Variants in AGMO observed in about 807,000 individuals in gnomAD.
AGMO encodes the protein alkylglycerol monooxygenase, also known as glyceryl-ether monooxygenase.
Under a neutral mutation model 60.2 loss-of-function variants are expected in AGMO, and 75 were observed. The observed-to-expected ratio is 1.25, with a 90% CI of 1.03 to 1.51. The LOEUF is 1.51. Among genes scored for constraint, AGMO ranks in the 40% most tolerant of loss-of-function variants. The pLI is 0.00. For missense variants in AGMO, 763 were observed against 525.5 expected (o/e 1.45, Z -4.42); for synonymous variants, 261 against 177.1 (o/e 1.47, Z -3.76).
At chr7:15,507,598 G>C (rs1030151407) in intron 3 of AGMO, among the ~76,000 whole-genome samples, 24 of 151,872 alleles carry the variant, frequency 1.6e-4, no homozygotes, top group African/African-American at 5.3e-4. Flanking sequence ...TAACAAATAA[G>C]GTAAAAATTG....
chr7:15,409,560 T>C (rs986406092), intron 5 of AGMO, among the ~76,000 whole-genome samples: 1 of 151,898 alleles, frequency 6.6e-6, no homozygotes, highest in African/African-American at 2.4e-5. Flanking sequence ...ATTTCTAGAA[T>C]GGTTTCCTGC....
chr7:15,387,556 A>G lies in AGMO; in HGVS notation c.823-16T>C, dbSNP rs1783967896. 1 of 1,588,634 alleles carries G rather than the reference A, an allele frequency of 6.3e-7. No homozygotes were observed. The highest frequency in any genetic ancestry group is 8.5e-7 in the Non-Finnish European group (1 of 1,170,140). On this transcript the variant is annotated splice_polypyrimidine_tract_variant and intron_variant, in intron 8 of 12. Transcript: ENST00000342526. ...AGTGATGGAACTAGAAACAATAAAA[A>G]AAGAGCTTATTTCACATAAGATAAA...
intron 12 of AGMO, among the ~76,000 whole-genome samples, chr7:15,339,967 A>G (rs900553682): frequency 6.6e-6 from 1 of 152,198 alleles, no homozygotes; most frequent in Admixed American, 6.5e-5. Flanking sequence ...TCAACAAGTG[A>G]CTGTGACTGA....
At chr7:15,365,737 A>T (rs1782951062) in intron 11 of AGMO, 118 bp from the exon 12 acceptor site, 1 of 707,052 alleles carries the variant, frequency 1.4e-6, no homozygotes. Flanking sequence ...AATATATTTG[A>T]AAAGCATGTC....
At chr7:15,552,040 G>A (rs1424721412) in intron 2 of AGMO, among the ~76,000 whole-genome samples, 1 of 151,998 alleles carries the variant, frequency 6.6e-6, no homozygotes, top group Admixed American at 6.6e-5. Context: ...TCTGATCTTT[G>A]ACAAACCTGA....
At chr7:15,349,089 T>C (rs1474146171) in intron 12 of AGMO, among the ~76,000 whole-genome samples, 2 of 152,146 alleles carry the variant, frequency 1.3e-5, no homozygotes, top group African/African-American at 2.4e-5. Context: ...AAGGAATATA[T>C]ACCTTTGGAG....
the AGMO span, among the ~76,000 whole-genome samples, chr7:15,147,577 G>T: frequency 6.6e-6 from 1 of 152,160 alleles, no homozygotes; most frequent in East Asian, 1.9e-4. Context: ...GATTTGGGTG[G>T]GGACACAGCC....
At chr7:15,333,616 AAAG>A (rs1260689807) in intron 12 of AGMO, among the ~76,000 whole-genome samples, 1 of 150,132 alleles carries the variant, frequency 6.7e-6, no homozygotes. Context: ...AAAAAAAAAA[AAAG>A]AAAGAAAAAA....
intron 4 of AGMO, among the ~76,000 whole-genome samples, chr7:15,420,648 A>G (rs1183041401): frequency 6.6e-6 from 1 of 152,130 alleles, no homozygotes; most frequent in Non-Finnish European, 1.5e-5. Flanking sequence ...CTACCTCCAA[A>G]CTTTGCATTT....
intron 10 of AGMO, among the ~76,000 whole-genome samples, chr7:15,383,639 T>C (rs1783785110): frequency 6.6e-6 from 1 of 151,938 alleles, no homozygotes; most frequent in African/African-American, 2.4e-5. Flanking sequence ...TAGATTAGAT[T>C]CATTTTTCAG....
At position 15,391,563 on chromosome 7, in the gene AGMO, A is replaced by C. The variant is rs189065476; in HGVS notation, c.677-658T>G. ...GACTGTAAATCTTAAGAAAAAGAAT[A>C]ATTAATTAACCAAGCCATTACCCCA... On this transcript the variant is annotated intron_variant, in intron 6 of 12. Transcript: ENST00000342526. Among the ~76,000 whole-genome samples, 28 of 152,288 alleles carry C rather than the reference A, an allele frequency of 1.8e-4. No individual in the cohort carries two copies. In the East Asian group the frequency reaches 5.2e-3, roughly 28 times the overall value.
intron 3 of AGMO, among the ~76,000 whole-genome samples, chr7:15,469,711 G>A (rs1456227236): frequency 6.6e-6 from 1 of 152,170 alleles, no homozygotes; most frequent in Admixed American, 6.6e-5. Context: ...CTGTGGTTAT[G>A]AGATGGTGAT....
chr7:15,353,581 T>C (rs1782340432), intron 12 of AGMO, among the ~76,000 whole-genome samples: 1 of 152,208 alleles, frequency 6.6e-6, no homozygotes, highest in Non-Finnish European at 1.5e-5. Flanking sequence ...TTAAAATACT[T>C]TTTTAAAAAA....
chr7:15,442,515 C>A (rs1457169408), intron 3 of AGMO, among the ~76,000 whole-genome samples: 1 of 152,118 alleles, frequency 6.6e-6, no homozygotes, highest in Admixed American at 6.5e-5. Flanking sequence ...ATTCCCCAAC[C>A]TTGACCCTTG....
At chr7:15,155,447 T>C in the AGMO span, among the ~76,000 whole-genome samples, 27 of 103,842 alleles carry the variant, frequency 2.6e-4, no homozygotes, top group Admixed American at 1.1e-3. Context: ...TTTTTTTTTT[T>C]TTGCATTCTG....
At chr7:15,268,348 C>T (rs1036713308) in intron 12 of AGMO, among the ~76,000 whole-genome samples, 5 of 152,032 alleles carry the variant, frequency 3.3e-5, no homozygotes, top group African/African-American at 1.2e-4. Context: ...TAATCCCTCA[C>T]TGTTACCTCT....
chr7:15,427,249 G>A (rs184954427), intron 4 of AGMO, among the ~76,000 whole-genome samples: 5 of 152,160 alleles, frequency 3.3e-5, no homozygotes, highest in Admixed American at 1.3e-4. Context: ...GTATAAGCAC[G>A]TACACATGCA....
intron 3 of AGMO, among the ~76,000 whole-genome samples, chr7:15,512,722 A>G (rs903649297): frequency 1.3e-5 from 2 of 152,156 alleles, no homozygotes; most frequent in African/African-American, 4.8e-5. Context: ...AAATTTTTCT[A>G]TTTCAATGTA....
intron 3 of AGMO, among the ~76,000 whole-genome samples, chr7:15,488,227 G>A (rs1031110781): frequency 6.6e-6 from 1 of 152,158 alleles, no homozygotes; most frequent in Non-Finnish European, 1.5e-5. Context: ...TACACACCTA[G>A]TGAATTTGTT....
Sources: gnomAD v4.1 joint callset for allele counts (sites outside exome capture counted in the v4.1 genomes callset) on GRCh38, gnomAD v4.1.1 for gene constraint, MANE v1.5 for transcripts, NCBI Gene and HGNC (gene_info 2026-07-23, HGNC 2026-07-21) for gene names.